The following GRM7 variants were observed in gnomAD, a reference collection of about 807,000 sequenced individuals.
GRM7 encodes metabotropic glutamate receptor 7.
GRM7 carries 35 observed loss-of-function variants against 84.5 expected under a neutral mutation model. The observed-to-expected ratio is 0.41, with a 90% CI of 0.32 to 0.55. The LOEUF (loss-of-function observed/expected upper bound fraction) is 0.55. Among genes scored for constraint, GRM7 ranks in the 20% least tolerant of loss-of-function variants. The pLI is 0.19. For missense variants in GRM7, 1,003 were observed against 1,194.6 expected (o/e 0.84, Z 2.36); for synonymous variants, 487 against 455.1 (o/e 1.07, Z -0.89).
chr3:7,220,380 TCTC>T (rs1313594898), intron 2 of GRM7, among the ~76,000 whole-genome samples: 2 of 152,200 alleles, frequency 1.3e-5, no homozygotes, highest in Non-Finnish European at 2.9e-5. Flanking sequence ...CTGTGTCTAT[TCTC>T]CTCAAAATGC....
At chr3:7,118,176 A>T (rs1693102373) in intron 1 of GRM7, among the ~76,000 whole-genome samples, 1 of 152,166 alleles carries the variant, frequency 6.6e-6, no homozygotes, top group Non-Finnish European at 1.5e-5. Flanking sequence ...ACTTGAGCCC[A>T]GGAGCTAGAG....
At chr3:7,608,736 G>C (rs1019331407) in intron 8 of GRM7, among the ~76,000 whole-genome samples, 1 of 152,028 alleles carries the variant, frequency 6.6e-6, no homozygotes, top group Non-Finnish European at 1.5e-5. Flanking sequence ...CCAATTGTCA[G>C]TTTTTGCTTT....
At chr3:7,145,347 A>T (rs1694074572) in intron 1 of GRM7, among the ~76,000 whole-genome samples, 1 of 152,168 alleles carries the variant, frequency 6.6e-6, no homozygotes, top group Admixed American at 6.5e-5. Flanking sequence ...ATTGCTTGAT[A>T]GAATCAAGAC....
At chr3:7,169,440 T>C (rs1431494727) in intron 2 of GRM7, among the ~76,000 whole-genome samples, 8 of 152,160 alleles carry the variant, frequency 5.3e-5, no homozygotes, top group Admixed American at 3.9e-4. Flanking sequence ...GGTGCCATCA[T>C]GGGACTCACA....
chr3:7,303,280 AC>A (rs1700072811), intron 3 of GRM7, among the ~76,000 whole-genome samples: 1 of 152,172 alleles, frequency 6.6e-6, no homozygotes, highest in African/African-American at 2.4e-5. Flanking sequence ...ACATAAAAAA[AC>A]TAAAATATGA....
At chr3:6,866,659 T>G (rs1694947363) in intron 1 of GRM7, among the ~76,000 whole-genome samples, 1 of 152,210 alleles carries the variant, frequency 6.6e-6, no homozygotes, top group African/African-American at 2.4e-5. Flanking sequence ...GAGTGAGAAC[T>G]GTGGAATTTA....
intron 2 of GRM7, among the ~76,000 whole-genome samples, chr3:7,271,334 T>C (rs1005817729): frequency 2.0e-5 from 3 of 151,374 alleles, no homozygotes; most frequent in South Asian, 2.1e-4. Context: ...CCGAGGCGGG[T>C]GGATCACGAG....
chr3:7,296,904 C>T (rs1699835259), intron 2 of GRM7, among the ~76,000 whole-genome samples: 1 of 151,698 alleles, frequency 6.6e-6, no homozygotes, highest in African/African-American at 2.4e-5. Flanking sequence ...CCTCCTCAGT[C>T]TCTTGAGTAA....
At chr3:7,330,930 C>G (rs546093981) in intron 4 of GRM7, among the ~76,000 whole-genome samples, 1 of 152,280 alleles carries the variant, frequency 6.6e-6, no homozygotes, top group African/African-American at 2.4e-5. Context: ...ATTACCTTAT[C>G]TCACCTGAAT....
chr3:7,075,265 C>T (rs1234282620), intron 1 of GRM7, among the ~76,000 whole-genome samples: 2 of 152,136 alleles, frequency 1.3e-5, no homozygotes, highest in Non-Finnish European at 2.9e-5. Flanking sequence ...TGGTGCTGAA[C>T]ACCCAGGGGA....
intron 1 of GRM7, among the ~76,000 whole-genome samples, chr3:7,022,891 G>A (rs1695831500): frequency 6.6e-6 from 1 of 152,122 alleles, no homozygotes; most frequent in South Asian, 2.1e-4. Flanking sequence ...TAATGTACAT[G>A]GAGGAGGCAG....
At chr3:7,650,890 T>C (rs769100158) in intron 8 of GRM7, among the ~76,000 whole-genome samples, 1 of 152,136 alleles carries the variant, frequency 6.6e-6, no homozygotes, top group Non-Finnish European at 1.5e-5. Context: ...GCTTGCCTCA[T>C]TCTAAAAAAG....
At chr3:6,951,646 G>A (rs1186775024) in intron 1 of GRM7, among the ~76,000 whole-genome samples, 1 of 152,050 alleles carries the variant, frequency 6.6e-6, no homozygotes, top group South Asian at 2.1e-4. Context: ...ATCTTTTAAG[G>A]TTTACTGAGG....
At chr3:7,724,559 C>A (rs1231758837) in intron 9 of GRM7, among the ~76,000 whole-genome samples, 2 of 152,200 alleles carry the variant, frequency 1.3e-5, no homozygotes, top group Non-Finnish European at 2.9e-5. Context: ...CTCATGGAAG[C>A]AGATAAGGAC....
intron 2 of GRM7, among the ~76,000 whole-genome samples, chr3:7,276,789 T>TCCCTCCCTCCCTCCCTTCCCTTC (rs1553641233): frequency 2.8e-4 from 1 of 3,528 alleles, no homozygotes; most frequent in Non-Finnish European, 6.0e-4. Context: ...CTTCCTTCCT[T>TCCCTCCCTCCCTCCCTTCCCTTC]CCTTCCTTCC....
intron 1 of GRM7, among the ~76,000 whole-genome samples, chr3:7,076,548 G>A (rs1574868960): frequency 6.6e-6 from 1 of 152,110 alleles, no homozygotes. Flanking sequence ...AGGCCTCCTA[G>A]CTATGCAGAA....
At chr3:7,273,207 C>T (rs943724485) in intron 2 of GRM7, among the ~76,000 whole-genome samples, 2 of 145,474 alleles carry the variant, frequency 1.4e-5, no homozygotes, top group Non-Finnish European at 3.0e-5. Context: ...GGTCTAAATA[C>T]ACAGACAGAC....
chr3:6,882,726 G>C (rs1276038561), intron 1 of GRM7, among the ~76,000 whole-genome samples: 1 of 151,780 alleles, frequency 6.6e-6, no homozygotes, highest in Admixed American at 6.6e-5. Context: ...TATCTTTTTT[G>C]CTTATTAGTA....
Position 7,020,640 on chromosome 3 carries a change from C to G in GRM7, c.520-125812C>G, listed in dbSNP as rs1172635492. ...ATCACAATTCGAATGAATGTAATTG[C>G]AAAATCTATTGCAGAAGACCTCCTT... On this transcript the variant is annotated intron_variant, in intron 1 of 9. Coordinates refer to ENST00000357716, the MANE Select transcript of GRM7 (RefSeq NM_000844.4). Among the ~76,000 whole-genome samples, 3 of 152,126 alleles carry G rather than the reference C, an allele frequency of 2.0e-5. No individual in the cohort carries two copies. The East Asian group carries it at 5.8e-4, about 29-fold the overall frequency.
Sources: gnomAD v4.1 joint callset for allele counts (sites outside exome capture counted in the v4.1 genomes callset) on GRCh38, gnomAD v4.1.1 for gene constraint, MANE v1.5 for transcripts, NCBI Gene and HGNC (gene_info 2026-07-23, HGNC 2026-07-21) for gene names.